CACNA1H: variants seen among roughly 807,000 people sequenced by gnomAD.
CACNA1H encodes voltage-dependent T-type calcium channel subunit alpha-1H.
In CACNA1H, 149 loss-of-function variants were observed where a neutral mutation model predicts 192.5. The ratio of observed to expected loss-of-function variants is 0.77; its 90% CI spans 0.68 to 0.89. The LOEUF is 0.89. CACNA1H is among the 40% of genes least tolerant of loss of function. The probability of loss-of-function intolerance (pLI) is 0.00; values close to 1 mark genes in which losing one functional copy is unlikely to be tolerated. For synonymous variants in CACNA1H, 2,202 were observed against 1,475.2 expected (o/e 1.49, Z -11.29); for missense variants, 4,257 against 3,423.5 (o/e 1.24, Z -6.08).
At chr16:1,214,423 C>G (rs1481429358) in intron 27 of CACNA1H, among the ~76,000 whole-genome samples, 1 of 152,188 alleles carries the variant, frequency 6.6e-6, no homozygotes, top group Non-Finnish European at 1.5e-5. Flanking sequence ...CGAGGATGGC[C>G]GTGGCCAGAG....
rs761945003 is a variant in CACNA1H at position 1,213,816 on chromosome 16, C to T, written c.4814C>T (p.Pro1605Leu). ...QRRPYYADYSPTRRSIHSLCT... is the reference protein window; with the variant it reads ...QRRPYYADYSLTRRSIHSLCT... ...CGGCCCTACTATGCCGACTACTCGC[C>T]CACGCGCCGCTCCATTCACTCGCTG... Residue 1605 changes from proline to leucine, a missense_variant, in exon 27 of 35, where the codon CCC becomes CTC. By Grantham distance (98) the Pro-to-Leu change is moderately conservative (BLOSUM62 -3). Coordinates refer to ENST00000348261, the MANE Select transcript of CACNA1H (RefSeq NM_021098.3). 2 of 1,582,570 alleles carry T rather than the reference C, an allele frequency of 1.3e-6. No homozygotes were observed. The highest frequency in any genetic ancestry group is 1.7e-6 in the Non-Finnish European group (2 of 1,165,964).
chr16:1,197,840 A>T (rs1031580855), intron 5 of CACNA1H, among the ~76,000 whole-genome samples: 8 of 151,942 alleles, frequency 5.3e-5, no homozygotes, highest in African/African-American at 1.9e-4. Context: ...ATTAAATTTG[A>T]GGGAAAGGAC....
rs1963928556 is a variant in CACNA1H, at chr16:1,167,602, G to A, written c.299+13566G>A. On this transcript the variant is annotated intron_variant, in intron 2 of 34. Coordinates refer to ENST00000348261, the MANE Select transcript of CACNA1H (RefSeq NM_021098.3). The surrounding 1 kb of genome is among the most constrained non-coding windows in gnomAD (Gnocchi z 4.2). ...CCGCGGCGGTGCCACTAATGGGGTT[G>A]CCGTGGCAACGCCTGTCACTAATCC... 6.6e-6 allele frequency among the ~76,000 whole-genome samples: 1 copy of A among 152,222 alleles called. No individual in the cohort carries two copies. Among genetic ancestry groups the A allele is most frequent in the African/African-American group, 2.4e-5 (1 of 41,462 alleles).
intron 2 of CACNA1H, among the ~76,000 whole-genome samples, chr16:1,175,543 G>A (rs1370716648): frequency 6.6e-6 from 1 of 152,132 alleles, no homozygotes; most frequent in Non-Finnish European, 1.5e-5. Flanking sequence ...CCCACTCTAG[G>A]TCCCCGTCTG....
At chr16:1,168,797 C>G (rs1002634914) in intron 2 of CACNA1H, among the ~76,000 whole-genome samples, 2 of 152,100 alleles carry the variant, frequency 1.3e-5, no homozygotes, top group Non-Finnish European at 2.9e-5. Context: ...CCAGGCCTCT[C>G]CTGGAGCCTG....
intron 29 of CACNA1H, 69 bp downstream of exon 29, chr16:1,215,444 T>C: frequency 9.5e-7 from 1 of 1,050,022 alleles, no homozygotes; most frequent in Non-Finnish European, 1.4e-6. Flanking sequence ...TGGGTGGGAG[T>C]GAGGGGCGGG....
Position 1,207,065 on chromosome 16 carries a change from C to G in CACNA1H, c.2854C>G (p.Pro952Ala), listed in dbSNP as rs1339365288. 6.2e-7 allele frequency: 1 copy of G among 1,603,456 alleles called. No homozygotes were observed. Among genetic ancestry groups the G allele is most frequent in the Non-Finnish European group, 8.5e-7 (1 of 1,175,018 alleles). Residue 952 changes from proline (P) to alanine (A), a missense_variant, in exon 13 of 35, where the codon CCT becomes GCT. Physicochemically the swap from Pro to Ala is conservative, Grantham distance 27. Coordinates refer to ENST00000348261, the MANE Select transcript of CACNA1H (RefSeq NM_021098.3). ...GAAGACAGACACCGGAGACACCGTG[C>G]CTGACAGGAAGAACTTCGACTCCCT... ...SLKTDTGDTV[P>A]DRKNFDSLLW... is the part of the protein sequence containing the mutation.
chr16:1,153,764 C>A lies in CACNA1H; in HGVS notation c.27C>A (p.Asp9Glu). Residue 9 changes from aspartate to glutamate, a missense_variant, in exon 2 of 35, where the codon GAC becomes GAA. By Grantham distance (45) the Asp-to-Glu change is conservative. Transcript: ENST00000348261. MTEGARAADEVRVPLGAPP... is the reference protein window; with the variant it reads MTEGARAAEEVRVPLGAPP... Reference sequence around the variant, plus strand: ...TGACCGAGGGCGCACGGGCCGCCGACGAGGTCCGGGTGCCCCTGGGCGCGC... The same window carrying A: ...TGACCGAGGGCGCACGGGCCGCCGAAGAGGTCCGGGTGCCCCTGGGCGCGC... 2 of 1,216,828 alleles carry A rather than the reference C, an allele frequency of 1.6e-6. No homozygotes were observed. Among genetic ancestry groups the A allele is most frequent in the South Asian group, 7.2e-5 (2 of 27,720 alleles). The allele number at this position is 1,216,828 out of a possible 1,614,324, so 75.4% of individuals were successfully genotyped here.
intron 2 of CACNA1H, among the ~76,000 whole-genome samples, chr16:1,177,338 C>T (rs1470226242): frequency 6.6e-6 from 1 of 152,218 alleles, no homozygotes; most frequent in Non-Finnish European, 1.5e-5. Context: ...CAGCCGCCGG[C>T]ACCCTCGGAG....
At position 1,180,130 on chromosome 16, in the gene CACNA1H, G is replaced by A. The variant is rs1377395325; in HGVS notation, c.300-14842G>A. 6.6e-6 allele frequency among the ~76,000 whole-genome samples: 1 copy of A among 152,320 alleles called. No homozygotes were observed. The highest frequency in any genetic ancestry group is 2.1e-4 in the South Asian group (1 of 4,826). On this transcript the variant is annotated intron_variant, in intron 2 of 34. Coordinates refer to ENST00000348261, the MANE Select transcript of CACNA1H (RefSeq NM_021098.3). This position sits in a 1 kb window ranked among gnomAD's most constrained non-coding sequence, Gnocchi z 4.4. ...CTGAGGGGCGTCGTGTGGATGGACGGCCAGCCCGTTGGGTGCCCTGGCTGG... is the reference window on the plus strand; with the variant it reads ...CTGAGGGGCGTCGTGTGGATGGACGACCAGCCCGTTGGGTGCCCTGGCTGG...
In CACNA1H at chr16:1,213,946, G is replaced by A. The variant is rs1969761601; in HGVS notation, c.4929+15G>A. On this transcript the variant is annotated intron_variant, in intron 27 of 34. Coordinates refer to ENST00000348261, the MANE Select transcript of CACNA1H (RefSeq NM_021098.3). Reference sequence around the variant, plus strand: ...ACCAACCCAAGGTGGGTGCGAGGGGGCCGCGAGGGGCCCAGGGGCTGGGGC... The same window carrying A: ...ACCAACCCAAGGTGGGTGCGAGGGGACCGCGAGGGGCCCAGGGGCTGGGGC... 6.2e-7 allele frequency: 1 copy of A among 1,602,422 alleles called. No individual in the cohort carries two copies. Among genetic ancestry groups the A allele is most frequent in the African/African-American group, 1.3e-5 (1 of 74,832 alleles).
In CACNA1H at chr16:1,200,211, C is replaced by T. The variant is rs550463641; in HGVS notation, c.804-45C>T. On this transcript the variant is annotated intron_variant, in intron 6 of 34. Coordinates refer to ENST00000348261, the MANE Select transcript of CACNA1H (RefSeq NM_021098.3). ...ATCGTGCCCCCGACTCTGACCGTCC[C>T]TGACCCTGATTGTACCTTTTGGCCC... 6 of 1,512,704 alleles carry T rather than the reference C, an allele frequency of 4.0e-6. No individual in the cohort carries two copies. In the African/African-American group the frequency reaches 4.2e-5, roughly 11 times the overall value. The allele number at this position is 1,512,704 out of a possible 1,614,324, so 93.7% of individuals were successfully genotyped here. A position where few individuals can be genotyped will look rare whatever the true frequency, so the allele number is the denominator to read the frequency against.
chr16:1,173,216 G>A (rs1246631062), intron 2 of CACNA1H, among the ~76,000 whole-genome samples: 1 of 152,190 alleles, frequency 6.6e-6, no homozygotes, highest in Non-Finnish European at 1.5e-5. Context: ...CAGTAGATGG[G>A]GTGCTGGTGG....
At chr16:1,209,930 G>A (rs1969222080) in intron 17 of CACNA1H, 105 bp from the exon 18 acceptor site, 1 of 815,258 alleles carries the variant, frequency 1.2e-6, no homozygotes, top group Admixed American at 2.5e-5. Context: ...GATGGAGAAG[G>A]CTGAGAAGGT....
chr16:1,183,120 G>A (rs1326478781), intron 2 of CACNA1H, among the ~76,000 whole-genome samples: 1 of 146,322 alleles, frequency 6.8e-6, no homozygotes, highest in Non-Finnish European at 1.5e-5. Context: ...GGGGCCCCAG[G>A]TGGCGGTTTC....
chr16:1,208,419 G>A (rs1567532716), intron 16 of CACNA1H, among the ~76,000 whole-genome samples, 198 bp downstream of exon 16: 1 of 152,194 alleles, frequency 6.6e-6, no homozygotes, highest in Non-Finnish European at 1.5e-5. Flanking sequence ...CGGTGTGAAG[G>A]GGCAGACGCG....
intron 6 of CACNA1H, chr16:1,199,000 A>C: frequency 2.1e-6 from 1 of 474,730 alleles, no homozygotes; most frequent in Non-Finnish European, 3.6e-6. Context: ...GGCTCCGCCC[A>C]CGGTGCAGTC....
At chr16:1,198,856 C>T in intron 6 of CACNA1H, 82 bp downstream of exon 6, 1 of 1,358,376 alleles carries the variant, frequency 7.4e-7, no homozygotes, top group East Asian at 2.5e-5. Flanking sequence ...GGCTCCACCG[C>T]CCCACGTGGC....
At chr16:1,217,496 G>A (rs1298414041) in intron 31 of CACNA1H, among the ~76,000 whole-genome samples, 4 of 152,162 alleles carry the variant, frequency 2.6e-5, no homozygotes, top group Non-Finnish European at 4.4e-5. Context: ...GCCCCTGCCG[G>A]GTTCCACTTC....
Sources: gnomAD v4.1 joint callset for allele counts (sites outside exome capture counted in the v4.1 genomes callset) on GRCh38, gnomAD v4.1.1 for gene constraint, Gnocchi (gnomAD v3.1) non-coding constraint, MANE v1.5 for transcripts, NCBI Gene and HGNC (gene_info 2026-07-23, HGNC 2026-07-21) for gene names.